P3H2: variants seen among roughly 807,000 people sequenced by gnomAD.
P3H2 encodes the protein leprecan-like 1.
Under a neutral mutation model 87.0 loss-of-function variants are expected in P3H2, and 80 were observed. That is an observed-to-expected ratio of 0.92 (90% CI 0.77 to 1.11). P3H2 has a LOEUF of 1.11. P3H2 is among the 50% of genes least tolerant of loss of function. P3H2 has a pLI of 0.00. For synonymous variants in P3H2, 367 were observed against 359.3 expected (o/e 1.02, Z -0.24); for missense variants, 1,001 against 923.9 (o/e 1.08, Z -1.08).
intron 1 of P3H2, among the ~76,000 whole-genome samples, chr3:190,064,020 G>T (rs1395584594): frequency 1.4e-5 from 2 of 142,110 alleles, no homozygotes; most frequent in Admixed American, 7.1e-5. Context: ...TTGAGACAGG[G>T]TCTCACTGTT....
intron 1 of P3H2, among the ~76,000 whole-genome samples, chr3:190,025,981 G>C (rs903679026): frequency 2.0e-5 from 3 of 152,128 alleles, no homozygotes; most frequent in African/African-American, 7.2e-5. Flanking sequence ...ACCTTTTAGA[G>C]TTGCTAACTT....
chr3:190,047,385 T>C (rs1434803249), intron 1 of P3H2, among the ~76,000 whole-genome samples: 2 of 152,204 alleles, frequency 1.3e-5, no homozygotes, highest in African/African-American at 2.4e-5. Context: ...CTGCTGAGTA[T>C]ATATCCAAGG....
intron 8 of P3H2, among the ~76,000 whole-genome samples, chr3:189,980,051 T>A (rs1723482720): frequency 6.6e-6 from 1 of 152,166 alleles, no homozygotes; most frequent in African/African-American, 2.4e-5. Flanking sequence ...AGTTTCCATA[T>A]CACGCATGTT....
chr3:190,018,473 T>G (rs1356234077), intron 1 of P3H2, among the ~76,000 whole-genome samples: 1 of 152,118 alleles, frequency 6.6e-6, no homozygotes, highest in African/African-American at 2.4e-5. Context: ...TTTGGGAGGC[T>G]GAGGAGGGAG....
chr3:190,038,651 T>C (rs991305477), intron 1 of P3H2, among the ~76,000 whole-genome samples: 1 of 152,156 alleles, frequency 6.6e-6, no homozygotes, highest in African/African-American at 2.4e-5. Flanking sequence ...TCCCCTAGGA[T>C]GCATTAATCA....
At chr3:190,025,543 G>C (rs1042860399) in intron 1 of P3H2, among the ~76,000 whole-genome samples, 4 of 152,070 alleles carry the variant, frequency 2.6e-5, no homozygotes, top group Non-Finnish European at 5.9e-5. Flanking sequence ...ACCTGTGAGG[G>C]TTATGATGCG....
intron 1 of P3H2, among the ~76,000 whole-genome samples, chr3:190,029,425 A>G (rs142010285): frequency 6.6e-6 from 1 of 152,162 alleles, no homozygotes; most frequent in Non-Finnish European, 1.5e-5. Flanking sequence ...ATTCATTCAC[A>G]TGCCAAGTTT....
Position 189,973,032 on chromosome 3 carries a change from A to T in P3H2, c.1549-8T>A, listed in dbSNP as rs758523323. The T allele has an allele frequency of 2.8e-5, 45 of 1,602,648 alleles. No individual in the cohort carries two copies. Among genetic ancestry groups the T allele is most frequent in the African/African-American group, 4.1e-5 (3 of 73,356 alleles). On this transcript the variant is annotated splice_region_variant and splice_polypyrimidine_tract_variant and intron_variant, in intron 10 of 14. Coordinates refer to ENST00000319332, the MANE Select transcript of P3H2 (RefSeq NM_018192.4). The stretch of plus-strand genomic sequence containing the variant: ...TCGACCTTCATAACCAGACTGAAAA[A>T]AAAAAACAAAACATGAGAAACAAAT...
At chr3:189,988,796 T>C in intron 4 of P3H2, 111 bp downstream of exon 4, 2 of 1,346,462 alleles carry the variant, frequency 1.5e-6, no homozygotes, top group Non-Finnish European at 2.1e-6. Flanking sequence ...TAAATTCCTA[T>C]TGCTTTCATA....
intron 6 of P3H2, 131 bp from the exon 7 acceptor site, chr3:189,984,721 T>G (rs2108917092): frequency 3.1e-6 from 2 of 654,892 alleles, no homozygotes; most frequent in East Asian, 5.6e-5. Context: ...GCATATTGTG[T>G]AAAGATACAA....
chr3:190,087,112 C>T (rs1727237355), intron 1 of P3H2, among the ~76,000 whole-genome samples: 1 of 152,178 alleles, frequency 6.6e-6, no homozygotes, highest in South Asian at 2.1e-4. Flanking sequence ...TTAAATTAGC[C>T]TTACAAATAC....
rs1229511798 is a variant in P3H2 at position 190,046,062 on chromosome 3, GC to G, written c.481-50621del. Among the ~76,000 whole-genome samples the G allele has an allele frequency of 2.0e-5, 3 of 151,148 alleles. No homozygotes were observed. In the East Asian group the frequency reaches 5.9e-4, roughly 30 times the overall value. On this transcript the variant is annotated intron_variant, in intron 1 of 14. Transcript: ENST00000319332. ...GGCGTGAACCCGGGAGGCAGAGCTT[GC>G]AGTGAGCTGAGATCGCACCACTGCA...
chr3:190,114,223 G>A (rs916430797), intron 1 of P3H2, among the ~76,000 whole-genome samples: 2 of 142,044 alleles, frequency 1.4e-5, no homozygotes, highest in East Asian at 4.2e-4. Context: ...TTGCTCTGTC[G>A]CCCAGGCTGG....
chr3:190,121,646 G>C (rs1247762532), upstream of P3H2: 1 of 152,176 alleles, frequency 6.6e-6, no homozygotes, highest in East Asian at 1.9e-4. Context: ...TGGTTTTACA[G>C]GGCCCAGAGA....
intron 1 of P3H2, among the ~76,000 whole-genome samples, chr3:190,051,204 A>G (rs1209654721): frequency 6.6e-6 from 1 of 152,194 alleles, no homozygotes; most frequent in Admixed American, 6.5e-5. Context: ...ATAGGCTATT[A>G]ATAGCTGGGA....
intron 1 of P3H2, among the ~76,000 whole-genome samples, chr3:190,084,628 C>T (rs1429529195): frequency 1.6e-5 from 2 of 124,842 alleles, no homozygotes; most frequent in Non-Finnish European, 3.2e-5. Context: ...AAAATCTTAT[C>T]AATATTAATG....
rs185823394 is a variant in P3H2 at position 189,977,921 on chromosome 3, T to C, written c.1325-3236A>G. On this transcript the variant is annotated intron_variant, in intron 8 of 14. Transcript: ENST00000319332. ...CACCACGCCCAGCCAAGTAGTCTTT[T>C]AAAAATCCCCCCTAAACGTCTTAGC... Among the ~76,000 whole-genome samples, 82 of 152,254 alleles carry C rather than the reference T, an allele frequency of 5.4e-4. 2 individuals carry two copies. The highest frequency in any genetic ancestry group is 1.8e-3 in the African/African-American group (76 of 41,552).
intron 1 of P3H2, among the ~76,000 whole-genome samples, chr3:190,053,948 T>C (rs116047955): frequency 6.6e-6 from 1 of 152,352 alleles, no homozygotes; most frequent in Non-Finnish European, 1.5e-5. Flanking sequence ...TACAATCTAT[T>C]GAGGTTTTTT....
chr3:190,069,950 GTTT>G (rs559020113), intron 1 of P3H2, among the ~76,000 whole-genome samples: 9 of 147,222 alleles, frequency 6.1e-5, no homozygotes, highest in South Asian at 4.3e-4. Flanking sequence ...GTGTAGACAA[GTTT>G]TTTTTTTTTT....
Sources: allele counts gnomAD v4.1 joint callset (sites outside exome capture counted in the v4.1 genomes callset), GRCh38; gene constraint gnomAD v4.1.1; transcripts MANE v1.5; gene names NCBI Gene and HGNC (gene_info 2026-07-23, HGNC 2026-07-21).